Variants in SRPK2 observed in about 807,000 individuals in gnomAD.
SRPK2 encodes the protein SRSF protein kinase 2, also known as SFRS protein kinase 2.
SRPK2 carries 21 observed loss-of-function variants against 90.8 expected under a neutral mutation model. The ratio of observed to expected loss-of-function variants is 0.23; its 90% CI spans 0.16 to 0.33. SRPK2 has a LOEUF of 0.33. Ranked by LOEUF, SRPK2 falls within the 10% of genes least tolerant of loss-of-function variation. SRPK2 has a pLI of 1.00. For synonymous variants in SRPK2, 288 were observed against 311.1 expected (o/e 0.93, Z 0.78); for missense variants, 620 against 869.0 (o/e 0.71, Z 3.60).
At chr7:105,323,376 T>C (rs1353301566) in intron 2 of SRPK2, among the ~76,000 whole-genome samples, 1 of 152,180 alleles carries the variant, frequency 6.6e-6, no homozygotes, top group Non-Finnish European at 1.5e-5. Context: ...CAAGTCTGCA[T>C]TACCTTCACC....
intron 2 of SRPK2, among the ~76,000 whole-genome samples, chr7:105,220,414 T>C (rs1466371688): frequency 6.6e-6 from 1 of 152,040 alleles, no homozygotes; most frequent in East Asian, 1.9e-4. Flanking sequence ...GTATCCCAGT[T>C]ACTCAGGAAG....
At chr7:105,348,120 A>G (rs1439415399) in intron 2 of SRPK2, among the ~76,000 whole-genome samples, 1 of 104,616 alleles carries the variant, frequency 9.6e-6, no homozygotes, top group Non-Finnish European at 1.8e-5. Flanking sequence ...CTTGTTCCCC[A>G]GGCTGGAGTG....
intron 2 of SRPK2, among the ~76,000 whole-genome samples, chr7:105,294,613 G>A (rs1257787010): frequency 6.6e-6 from 1 of 151,902 alleles, no homozygotes; most frequent in Non-Finnish European, 1.5e-5. Flanking sequence ...TGCAACCTCC[G>A]CCTCCCAGGT....
chr7:105,377,454 G>T (rs1303623833), intron 2 of SRPK2, among the ~76,000 whole-genome samples: 3 of 152,052 alleles, frequency 2.0e-5, no homozygotes, highest in Admixed American at 6.6e-5. Context: ...GCACTTTGGG[G>T]GGCGGAGGAG....
rs560274204 is a variant in SRPK2 at position 105,321,770 on chromosome 7, T to C, written c.71+66878A>G. On this transcript the variant is annotated intron_variant, in intron 2 of 15. Transcript: ENST00000393651. Reference sequence around the variant, plus strand: ...TCACACCCACAAGGATGGCTAATGATAAAAAGTTAAAAACAACAACAACAA... The same window carrying C: ...TCACACCCACAAGGATGGCTAATGACAAAAAGTTAAAAACAACAACAACAA... Among the ~76,000 whole-genome samples, 16 of 152,128 alleles carry C rather than the reference T, an allele frequency of 1.1e-4. No individual in the cohort carries two copies. The East Asian group carries it at 3.1e-3, about 29-fold the overall frequency.
chr7:105,119,934 A>T (rs899876971), intron 15 of SRPK2, among the ~76,000 whole-genome samples: 1 of 152,260 alleles, frequency 6.6e-6, no homozygotes, highest in Non-Finnish European at 1.5e-5. Flanking sequence ...ACAACATGGG[A>T]GAAGATCATG....
At chr7:105,207,802 G>A (rs1796391239) in intron 2 of SRPK2, among the ~76,000 whole-genome samples, 1 of 152,078 alleles carries the variant, frequency 6.6e-6, no homozygotes, top group Non-Finnish European at 1.5e-5. Context: ...AACTAAATTG[G>A]ACTTCAAAAT....
chr7:105,250,068 C>T (rs540566110), intron 2 of SRPK2, among the ~76,000 whole-genome samples: 11 of 152,302 alleles, frequency 7.2e-5, no homozygotes, highest in Admixed American at 5.9e-4. Context: ...CAGTGGCTCA[C>T]GCCTATAATC....
At chr7:105,255,758 C>G (rs1209618340) in intron 2 of SRPK2, among the ~76,000 whole-genome samples, 1 of 152,058 alleles carries the variant, frequency 6.6e-6, no homozygotes, top group Non-Finnish European at 1.5e-5. Flanking sequence ...ATGGTGAAAC[C>G]CTTTCTCTAC....
intron 2 of SRPK2, among the ~76,000 whole-genome samples, chr7:105,309,103 A>G (rs778611800): frequency 3.9e-4 from 59 of 152,216 alleles, no homozygotes; most frequent in Non-Finnish European, 6.6e-4. Flanking sequence ...AACTTTGCAT[A>G]CACTCACAAG....
chr7:105,260,262 G>C (rs1334772528), intron 2 of SRPK2, among the ~76,000 whole-genome samples: 1 of 152,168 alleles, frequency 6.6e-6, no homozygotes, highest in East Asian at 1.9e-4. Context: ...CATTTATGCA[G>C]CCAGAAGACA....
At chr7:105,385,294 C>T (rs1285175582) in intron 2 of SRPK2, among the ~76,000 whole-genome samples, 3 of 149,970 alleles carry the variant, frequency 2.0e-5, no homozygotes, top group Non-Finnish European at 2.9e-5. Context: ...CATTCTCTCG[C>T]CTCAGCCTCC....
chr7:105,332,117 A>C (rs972749338), intron 2 of SRPK2, among the ~76,000 whole-genome samples: 1 of 152,224 alleles, frequency 6.6e-6, no homozygotes, highest in Non-Finnish European at 1.5e-5. Context: ...GAATAATAAA[A>C]GGCAATATTC....
chr7:105,345,857 C>CAGTCACACT (rs1384886921), intron 2 of SRPK2, among the ~76,000 whole-genome samples: 1 of 152,250 alleles, frequency 6.6e-6, no homozygotes, highest in Non-Finnish European at 1.5e-5. Flanking sequence ...ACCGGTTCCT[C>CAGTCACACT]AGTCACACTA....
intron 2 of SRPK2, among the ~76,000 whole-genome samples, chr7:105,279,606 CTGTT>C (rs1005377143): frequency 1.3e-5 from 2 of 152,194 alleles, no homozygotes; most frequent in African/African-American, 4.8e-5. Flanking sequence ...TTCACCAGAA[CTGTT>C]TGTTACCAGT....
At position 105,146,579 on chromosome 7, in the gene SRPK2, C is replaced by A; in HGVS notation, c.701G>T (p.Cys234Phe). ...TCTTCTCACATATGCATCATCCACACACATCAAGATATTTTCCGGCTTTAT... is the reference window on the plus strand; with the variant it reads ...TCTTCTCACATATGCATCATCCACAAACATCAAGATATTTTCCGGCTTTAT... ...TDIKPENILM[C>F]VDDAYVRRMA... Residue 234 changes from cysteine (C) to phenylalanine (F), a missense_variant, in exon 8 of 16, where the codon TGT becomes TTT. Around this residue, in one of 8 missense-constraint regions of SRPK2, gnomAD observed 196 missense variants for 339.2 expected, o/e 0.58. Coordinates refer to ENST00000393651, the MANE Select transcript of SRPK2 (RefSeq NM_182692.3). 1 of 1,614,218 alleles carries A rather than the reference C, an allele frequency of 6.2e-7. No individual in the cohort carries two copies.
chr7:105,126,871 T>C (rs1801288597), intron 14 of SRPK2, 122 bp downstream of exon 14: 2 of 944,726 alleles, frequency 2.1e-6, no homozygotes, highest in South Asian at 1.6e-5. Context: ...GAAAAGCATC[T>C]GAATTTGGTG....
At chr7:105,236,368 G>A (rs1307221869) in intron 2 of SRPK2, among the ~76,000 whole-genome samples, 3 of 151,764 alleles carry the variant, frequency 2.0e-5, no homozygotes, top group Non-Finnish European at 4.4e-5. Context: ...TCTGATAACA[G>A]AGTGCATCTT....
intron 15 of SRPK2, among the ~76,000 whole-genome samples, chr7:105,124,959 C>T (rs1001562444): frequency 6.6e-6 from 1 of 151,902 alleles, no homozygotes; most frequent in East Asian, 1.9e-4. Flanking sequence ...CAGTGAAACC[C>T]TGTCTCTACT....
Sources: gnomAD v4.1 joint callset for allele counts (sites outside exome capture counted in the v4.1 genomes callset) on GRCh38, gnomAD v4.1.1 for gene constraint, gnomAD v4.1.1 regional missense constraint, MANE v1.5 for transcripts, NCBI Gene and HGNC (gene_info 2026-07-23, HGNC 2026-07-21) for gene names.